ZNF117: variants seen among roughly 807,000 people sequenced by gnomAD.
The protein encoded by ZNF117 is zinc finger protein 117, also known as Krueppel-related zinc finger protein.
In ZNF117, 37 loss-of-function variants were observed where a neutral mutation model predicts 41.2. That is an observed-to-expected ratio of 0.90 (90% CI 0.69 to 1.18). The LOEUF is 1.18. Ranked by LOEUF, ZNF117 falls within the 50% of genes most tolerant of loss-of-function variation. The pLI, the probability that ZNF117 is intolerant of heterozygous loss-of-function variation, is 0.00. For synonymous variants in ZNF117, 186 were observed against 186.6 expected (o/e 1.00, Z 0.02); for missense variants, 546 against 557.5 (o/e 0.98, Z 0.21).
chr7:64,985,984 T>TATC (rs1554299680), upstream of ZNF117, among the ~76,000 whole-genome samples: 1 of 121,124 alleles, frequency 8.3e-6, no homozygotes, highest in Non-Finnish European at 1.8e-5. Flanking sequence ...AGAAAGAAAA[T>TATC]ATCCTCCCTT....
intron 1 of ZNF117, among the ~76,000 whole-genome samples, chr7:64,987,801 T>C (rs536082404): frequency 2.1e-5 from 3 of 142,366 alleles, no homozygotes; most frequent in East Asian, 4.1e-4. Context: ...CTGGGCAATA[T>C]AGTGAGACCC....
At chr7:64,986,802 A>C (rs1786145565), upstream of ZNF117, among the ~76,000 whole-genome samples, 1 of 152,202 alleles carries the variant, frequency 6.6e-6, no homozygotes, top group Admixed American at 6.5e-5. Flanking sequence ...CACATGAATA[A>C]GACCAGTTCT....
Position 64,981,778 on chromosome 7 carries a change from A to G in ZNF117, c.-63+206T>C, listed in dbSNP as rs1786038616. 2.0e-5 allele frequency among the ~76,000 whole-genome samples: 3 copies of G among 152,146 alleles called. No homozygotes were observed. The South Asian group carries it at 6.2e-4, about 31-fold the overall frequency. On this transcript the variant is annotated intron_variant, in intron 1 of 2. Transcript: ENST00000620222. Reference sequence around the variant, plus strand: ...AATTACCACTAATCAAGACTGAATGATAAAGATCATCTCAGGAATGTGGAA... The same window carrying G: ...AATTACCACTAATCAAGACTGAATGGTAAAGATCATCTCAGGAATGTGGAA...
chr7:64,974,091 T>C (rs1785825453), downstream of ZNF117: 1 of 151,792 alleles, frequency 6.6e-6, no homozygotes, highest in African/African-American at 2.4e-5. Flanking sequence ...CTTATGTCAA[T>C]TATAACAAGA....
upstream of ZNF117, among the ~76,000 whole-genome samples, chr7:64,985,704 T>C (rs1786119345): frequency 6.6e-6 from 1 of 152,138 alleles, no homozygotes. Context: ...CTCACACCTG[T>C]AATCCCAGCA....
At chr7:64,977,082 A>G (rs2129118159) in exon 3 of ZNF117, 1 of 528,902 alleles carries the variant, frequency 1.9e-6, no homozygotes, top group Non-Finnish European at 3.9e-6. Flanking sequence ...TCCAGTATGA[A>G]TTATATTATG....
chr7:64,974,431 A>G (rs891576060), downstream of ZNF117: 2 of 151,942 alleles, frequency 1.3e-5, no homozygotes, highest in African/African-American at 4.8e-5. Context: ...AGCAGAGTAT[A>G]CATTTACTTT....
chr7:64,981,626 T>G (rs1284087690), intron 1 of ZNF117, 144 bp from the exon 3 acceptor site: 5 of 774,068 alleles, frequency 6.5e-6, no homozygotes, highest in Non-Finnish European at 7.8e-6. Flanking sequence ...TTTCTAAAGA[T>G]TTAGAAAATA....
chr7:64,973,620 C>T (rs1584042557), downstream of ZNF117: 1 of 151,960 alleles, frequency 6.6e-6, no homozygotes, highest in East Asian at 1.9e-4. Flanking sequence ...ATTAAAAATA[C>T]CAACTTTCTC....
At chr7:64,974,684 A>T (rs184348165) in exon 3 of ZNF117, 2 of 151,938 alleles carry the variant, frequency 1.3e-5, no homozygotes, top group Non-Finnish European at 3.0e-5. Flanking sequence ...AGAAAAATAC[A>T]TAACAAAATT....
At chr7:64,979,191 T>C (rs532805659) in exon 3 of ZNF117, 18 of 1,607,652 alleles carry the variant, frequency 1.1e-5, no homozygotes, top group African/African-American at 8.0e-5. Flanking sequence ...GATTCTTTTA[T>C]GTTGAGTTAG....
chr7:64,979,769 T>C (rs1785985994), intron 2 of ZNF117, among the ~76,000 whole-genome samples: 1 of 152,022 alleles, frequency 6.6e-6, no homozygotes, highest in South Asian at 2.1e-4. Flanking sequence ...GTTATCACAA[T>C]TCCAAAAGCC....
At chr7:64,989,511 T>C (rs1179055918) in intron 1 of ZNF117, among the ~76,000 whole-genome samples, 3 of 82,172 alleles carry the variant, frequency 3.7e-5, no homozygotes, top group African/African-American at 9.0e-5. Flanking sequence ...AACCTGAAAA[T>C]AATCTAGAAA....
At chr7:64,972,774 A>G (rs550299622), downstream of ZNF117, 1 of 152,088 alleles carries the variant, frequency 6.6e-6, no homozygotes, top group Non-Finnish European at 1.5e-5. Context: ...TGTTTTTGAA[A>G]AACATTGACA....
At chr7:64,982,674 T>C (rs1786056481), upstream of ZNF117, among the ~76,000 whole-genome samples, 3 of 152,206 alleles carry the variant, frequency 2.0e-5, no homozygotes, top group South Asian at 6.2e-4. Flanking sequence ...TTTCCCAGTT[T>C]TTCTGGCCTG....
At chr7:64,981,401 A>G (rs1786029741) in exon 2 of ZNF117, 10 of 1,613,006 alleles carry the variant, frequency 6.2e-6, no homozygotes, top group Non-Finnish European at 8.5e-6. Flanking sequence ...ATGTTTAGCT[A>G]CCATCTCATG....
exon 3 of ZNF117, chr7:64,976,854 T>C (rs559352966): frequency 6.7e-6 from 3 of 445,612 alleles, no homozygotes; most frequent in Admixed American, 2.7e-5. Flanking sequence ...TTTAGTAAAG[T>C]TTGAGATTTA....
chr7:64,986,196 C>A (rs1786132177), upstream of ZNF117, among the ~76,000 whole-genome samples: 2 of 151,894 alleles, frequency 1.3e-5, no homozygotes, highest in African/African-American at 4.8e-5. Context: ...AGAAAAATGA[C>A]AAGAAAAGTC....
exon 3 of ZNF117, chr7:64,974,748 C>T (rs1785843364): frequency 6.6e-6 from 1 of 151,808 alleles, no homozygotes; most frequent in African/African-American, 2.4e-5. Flanking sequence ...TTTATTTATA[C>T]TTGTATATAA....
Sources: gnomAD v4.1 joint callset for allele counts (sites outside exome capture counted in the v4.1 genomes callset) on GRCh38, gnomAD v4.1.1 for gene constraint, MANE v1.5 for transcripts, NCBI Gene and HGNC (gene_info 2026-07-23, HGNC 2026-07-21) for gene names.